ADCY8: variants seen among roughly 807,000 people sequenced by gnomAD.
ADCY8 encodes adenylate cyclase type 8.
Under a neutral mutation model 119.7 loss-of-function variants are expected in ADCY8, and 51 were observed. The ratio of observed to expected loss-of-function variants is 0.43; its 90% confidence interval spans 0.34 to 0.54. The LOEUF (loss-of-function observed/expected upper bound fraction) is 0.54, where lower values mean the gene tolerates loss of function less well. ADCY8 is among the 20% of genes least tolerant of loss of function. The pLI, the probability that ADCY8 is intolerant of heterozygous loss-of-function variation, is 0.03. For missense variants in ADCY8, 1,383 were observed against 1,598.8 expected (o/e 0.87, Z 2.30); for synonymous variants, 665 against 651.0 (o/e 1.02, Z -0.33).
In ADCY8 at chr8:130,827,283, T is replaced by C. The variant is rs975276100; in HGVS notation, c.2676-5863A>G. Reference sequence around the variant, plus strand: ...TGTAAAATCCAGCTGCAGACACAGATGCTGGCAAGTTGTGCCAATCATGTT... The same window carrying C: ...TGTAAAATCCAGCTGCAGACACAGACGCTGGCAAGTTGTGCCAATCATGTT... On this transcript the variant is annotated intron_variant, in intron 12 of 17. Coordinates refer to ENST00000286355, the MANE Select transcript of ADCY8 (RefSeq NM_001115.3). Among the ~76,000 whole-genome samples the C allele has an allele frequency of 9.8e-5, 15 of 152,330 alleles. No individual in the cohort carries two copies. The East Asian group carries it at 2.9e-3, about 29-fold the overall frequency.
chr8:130,840,655 T>C (rs1563686684), intron 11 of ADCY8, among the ~76,000 whole-genome samples: 2 of 152,208 alleles, frequency 1.3e-5, no homozygotes, highest in Admixed American at 6.5e-5. Context: ...TTTCCTTTTG[T>C]AATGTCCTTT....
intron 8 of ADCY8, among the ~76,000 whole-genome samples, chr8:130,876,017 A>G (rs1417131171): frequency 2.6e-5 from 4 of 152,182 alleles, no homozygotes; most frequent in Admixed American, 2.0e-4. Context: ...GTAGCAAACG[A>G]AGCTCATTCA....
chr8:131,004,419 T>A (rs939944245), intron 1 of ADCY8, among the ~76,000 whole-genome samples: 1 of 152,188 alleles, frequency 6.6e-6, no homozygotes, highest in African/African-American at 2.4e-5. Flanking sequence ...TTCCTCCTCA[T>A]CTGTCTGACA....
intron 1 of ADCY8, among the ~76,000 whole-genome samples, chr8:131,018,888 G>A (rs1261420631): frequency 6.6e-6 from 1 of 152,174 alleles, no homozygotes; most frequent in Non-Finnish European, 1.5e-5. Flanking sequence ...GGAAGGGCAT[G>A]GTTAGGAGGA....
chr8:130,884,682 G>A lies in ADCY8; in HGVS notation c.1991C>T (p.Pro664Leu). 1 of 1,613,864 alleles carries A rather than the reference G, an allele frequency of 6.2e-7. No homozygotes were observed. The highest frequency in any genetic ancestry group is 8.5e-7 in the Non-Finnish European group (1 of 1,179,836). Reference sequence around the variant, plus strand: ...TTCTATTCTCTTGTTAATTTCCTCAGGCCCAGACTGGACATGCAAAGCTTG... The same window carrying A: ...TTCTATTCTCTTGTTAATTTCCTCAAGCCCAGACTGGACATGCAAAGCTTG... ...LAQALHVQSG[P>L]EEINKRIEHT... The change falls in exon 8 of 18, where the codon CCT (proline) becomes CTT (leucine). Residue 664 changes from proline to leucine, a missense_variant. Pro to Leu is a moderately conservative substitution (Grantham distance 98). Around this residue, in one of 2 missense-constraint regions of ADCY8, gnomAD observed 928 missense variants for 1,163.5 expected, o/e 0.80. Transcript: ENST00000286355.
At chr8:130,889,099 C>G (rs944176020) in intron 7 of ADCY8, among the ~76,000 whole-genome samples, 12 of 152,062 alleles carry the variant, frequency 7.9e-5, no homozygotes, top group African/African-American at 2.9e-4. Flanking sequence ...TTGTTAGATC[C>G]TCCTAATTCA....
chr8:130,880,634 C>T (rs1229173083), intron 8 of ADCY8, among the ~76,000 whole-genome samples: 5 of 152,158 alleles, frequency 3.3e-5, no homozygotes, highest in Non-Finnish European at 7.3e-5. Flanking sequence ...TCTCCCCTAT[C>T]CAGAGTTCTG....
In ADCY8 at chr8:131,039,740, G is replaced by A. The variant is rs139394244; in HGVS notation, c.594C>T (p.Val198=). The A allele has an allele frequency of 6.9e-5, 112 of 1,614,098 alleles. No homozygotes were observed. Among genetic ancestry groups the A allele is most frequent in the Non-Finnish European group, 9.2e-5 (108 of 1,180,028 alleles). Residue 198 remains valine, a synonymous_variant, in exon 1 of 18, where the codon GTC becomes GTT. Transcript: ENST00000286355. Reference sequence around the variant, plus strand: ...GGGCCGAGGCCAGGCTCAAGTGTAGGACCAAGAGAGTGAGTTTGGTCAGCA... The same window carrying A: ...GGGCCGAGGCCAGGCTCAAGTGTAGAACCAAGAGAGTGAGTTTGGTCAGCA... ...LDVLTKLTLL[V]LHLSLASAPM... is the part of the protein sequence containing the mutation.
chr8:130,890,277 C>T (rs1217090625), intron 7 of ADCY8, among the ~76,000 whole-genome samples: 1 of 151,908 alleles, frequency 6.6e-6, no homozygotes, highest in Admixed American at 6.6e-5. Flanking sequence ...GTGCAGCACA[C>T]CAACATGGCA....
At chr8:130,831,053 G>GA (rs982363140) in intron 12 of ADCY8, among the ~76,000 whole-genome samples, 2 of 152,198 alleles carry the variant, frequency 1.3e-5, no homozygotes, top group Admixed American at 1.3e-4. Context: ...TGGGCAAATA[G>GA]AAAAAAACCA....
At chr8:130,913,641 A>T (rs534233892) in intron 5 of ADCY8, among the ~76,000 whole-genome samples, 2 of 149,850 alleles carry the variant, frequency 1.3e-5, no homozygotes. Context: ...AAATGTTATG[A>T]TATCCTGCTA....
Position 130,814,056 on chromosome 8 carries a change from G to A in ADCY8, c.2913+13C>T. On this transcript the variant is annotated intron_variant, in intron 14 of 17. Coordinates refer to ENST00000286355, the MANE Select transcript of ADCY8 (RefSeq NM_001115.3). ...CCACCCTTTCTCACTGGCTAGACCA[G>A]CCCCTGGCTCACCTCATTGTCTCGG... 1 of 1,613,986 alleles carries A rather than the reference G, an allele frequency of 6.2e-7. No homozygotes were observed.
Position 131,039,971 on chromosome 8 carries a change from G to A in ADCY8, c.363C>T (p.Ser121=), listed in dbSNP as rs755655863. The A allele has an allele frequency of 2.5e-6, 4 of 1,581,460 alleles. No homozygotes were observed. Among genetic ancestry groups the A allele is most frequent in the Non-Finnish European group, 3.4e-6 (4 of 1,164,848 alleles). Residue 121 remains serine, a synonymous_variant, in exon 1 of 18, where the codon AGC becomes AGT. Transcript: ENST00000286355. The stretch of plus-strand genomic sequence containing the variant: ...GGAAGCCCAGGTCGCCCCCGCCTCC[G>A]CTGCCGCTGGCACTGCCGCTCCCGC... The part of the protein sequence containing the change: ...ERSGSGSASG[S]GGGGDLGFLH...
intron 2 of ADCY8, among the ~76,000 whole-genome samples, chr8:130,982,193 C>T (rs1822260733): frequency 6.6e-6 from 1 of 152,188 alleles, no homozygotes; most frequent in Non-Finnish European, 1.5e-5. Context: ...TCAATTGTTA[C>T]AGGGAGATCA....
intron 2 of ADCY8, among the ~76,000 whole-genome samples, chr8:130,960,531 C>G (rs1821567543): frequency 6.6e-6 from 1 of 151,950 alleles, no homozygotes; most frequent in African/African-American, 2.4e-5. Context: ...TTAGGTTGCA[C>G]AGAGCAAGAG....
At chr8:130,821,525 T>C (rs180768059) in intron 12 of ADCY8, 105 bp from the exon 13 acceptor site, 2 of 788,094 alleles carry the variant, frequency 2.5e-6, no homozygotes, top group South Asian at 1.6e-5. Flanking sequence ...AAAACACACA[T>C]CTTTTCAGCA....
intron 7 of ADCY8, among the ~76,000 whole-genome samples, chr8:130,886,594 T>C (rs1290635026): frequency 1.3e-5 from 2 of 152,108 alleles, no homozygotes; most frequent in Admixed American, 1.3e-4. Flanking sequence ...TTTTCCGTCT[T>C]GGAGAAGAGA....
intron 1 of ADCY8, among the ~76,000 whole-genome samples, chr8:130,995,738 C>T (rs1053376997): frequency 2.4e-4 from 36 of 152,216 alleles, no homozygotes; most frequent in African/African-American, 8.7e-4. Context: ...ATAGACACTC[C>T]CTGATCACTA....
chr8:130,802,452 C>T (rs1395360030), intron 14 of ADCY8, among the ~76,000 whole-genome samples: 1 of 152,198 alleles, frequency 6.6e-6, no homozygotes, highest in East Asian at 1.9e-4. Context: ...AGGCATCCTT[C>T]ACACAGCAGC....
Sources: gnomAD v4.1 joint callset for allele counts (sites outside exome capture counted in the v4.1 genomes callset) on GRCh38, gnomAD v4.1.1 for gene constraint, gnomAD v4.1.1 regional missense constraint, MANE v1.5 for transcripts, NCBI Gene and HGNC (gene_info 2026-07-23, HGNC 2026-07-21) for gene names.